Variants in CLASP2 observed in about 807,000 individuals in gnomAD.
CLASP2 encodes CLIP-associating protein 2.
A neutral mutation model predicts 194.4 loss-of-function variants in CLASP2; 47 were observed. That is an observed-to-expected ratio of 0.24 (90% CI 0.19 to 0.31). The LOEUF (loss-of-function observed/expected upper bound fraction) is 0.31. Ranked by LOEUF, CLASP2 falls within the 10% of genes least tolerant of loss-of-function variation. The pLI is 1.00. For missense variants in CLASP2, 1,445 were observed against 1,823.6 expected, an observed-to-expected ratio of 0.79 and a Z score of 3.78; for synonymous variants, 619 against 633.5, an observed-to-expected ratio of 0.98 and a Z score of 0.34.
At chr3:33,691,340 A>C (rs2091327978) in intron 2 of CLASP2, among the ~76,000 whole-genome samples, 1 of 152,246 alleles carries the variant, frequency 6.6e-6, no homozygotes, top group Admixed American at 6.5e-5. Context: ...TTAAATGTGT[A>C]TATAATTTGA....
intron 18 of CLASP2, among the ~76,000 whole-genome samples, chr3:33,599,131 ATTTT>A (rs2071313192): frequency 7.6e-6 from 1 of 132,398 alleles, no homozygotes; most frequent in African/African-American, 3.2e-5. Context: ...TTATTTATTT[ATTTT>A]GGAGAACGTG....
At chr3:33,581,015 C>CAAAAAAAAAAAAAAAAAAAAA (rs34304858) in intron 23 of CLASP2, among the ~76,000 whole-genome samples, 2 of 57,710 alleles carry the variant, frequency 3.5e-5, no homozygotes, top group Non-Finnish European at 3.3e-5. Context: ...GACTCCGTCT[C>CAAAAAAAAAAAAAAAAAAAAA]AAAAAAAAAA....
chr3:33,659,029 T>TAGCA, intron 7 of CLASP2: 1 of 1,535,760 alleles, frequency 6.5e-7, no homozygotes, highest in South Asian at 1.2e-5. Context: ...AGAGGTCAAA[T>TAGCA]AGCACAGCAA....
At position 33,688,355 on chromosome 3, in the gene CLASP2, T is replaced by C; in HGVS notation, c.392A>G (p.Gln131Arg). ...QVAPPMYIWE[Q>R]LASGFKHKNF... ...CTTGTGTTTAAAACCAGAAGCCAAC[T>C]GCTCCCAAATGTACTATTTGAAAGA... The change falls in exon 4 of 39, where the codon CAG becomes CGG. Residue 131 changes from glutamine to arginine, a missense_variant. Coordinates refer to ENST00000682230, the MANE Select transcript of CLASP2 (RefSeq NM_001365631.1). The C allele has an allele frequency of 6.3e-7, 1 of 1,586,364 alleles. No homozygotes were observed. Among genetic ancestry groups the C allele is most frequent in the East Asian group, 2.3e-5 (1 of 43,980 alleles).
Position 33,544,608 on chromosome 3 carries a change from A to C in CLASP2, c.3297+90T>G, listed in dbSNP as rs2154148767. 13 of 1,195,640 alleles carry C rather than the reference A, an allele frequency of 1.1e-5. No individual in the cohort carries two copies. In the South Asian group the frequency reaches 1.2e-4, roughly 11 times the overall value. The allele number at this position is 1,195,640 out of a possible 1,614,324, so 74.1% of individuals were successfully genotyped here. On this transcript the variant is annotated intron_variant, in intron 31 of 38. Coordinates refer to ENST00000682230, the MANE Select transcript of CLASP2 (RefSeq NM_001365631.1). ...ATAAAGATGCAAAAATTATATATTA[A>C]GGATCAAGTTTACTTCGTATAAAAG... is the stretch of plus-strand genomic sequence containing the variant.
intron 7 of CLASP2, among the ~76,000 whole-genome samples, chr3:33,645,929 TACACACACAC>T (rs60196645): frequency 0.15 from 20,500 of 135,108 alleles, 1,468 homozygotes; most frequent in African/African-American, 0.18. Flanking sequence ...TCTCCCAGCA[TACACACACAC>T]ACACACACAC....
intron 8 of CLASP2, among the ~76,000 whole-genome samples, chr3:33,633,200 C>G (rs991416113): frequency 6.6e-6 from 1 of 152,168 alleles, no homozygotes; most frequent in Non-Finnish European, 1.5e-5. Flanking sequence ...CACACAGCAC[C>G]AACTAGCCTC....
chr3:33,574,572 G>A lies in CLASP2; in HGVS notation c.2455-1218C>T. The A allele has an allele frequency of 3.7e-6, 3 of 808,368 alleles. No individual in the cohort carries two copies. In the South Asian group the frequency reaches 5.0e-5, roughly 14 times the overall value. The allele number at this position is 808,368 out of a possible 1,614,324, so 50.1% of individuals were successfully genotyped here. A position where few individuals can be genotyped will look rare whatever the true frequency, so the allele number is the denominator to read the frequency against. On this transcript the variant is annotated intron_variant, in intron 24 of 38. Coordinates refer to ENST00000682230, the MANE Select transcript of CLASP2 (RefSeq NM_001365631.1). ...TTTGCTAATCAGCACAGTGAAATAG[G>A]CATTAACAATGCCTATGATCAGAAA...
In CLASP2 at chr3:33,627,070, C is replaced by A; in HGVS notation, c.953G>T (p.Ser318Ile). The A allele has an allele frequency of 6.5e-7, 1 of 1,534,426 alleles. No homozygotes were observed. The highest frequency in any genetic ancestry group is 8.9e-7 in the Non-Finnish European group (1 of 1,121,516). Residue 318 changes from serine (S) to isoleucine (I), a missense_variant, in exon 10 of 39, where the codon AGT becomes ATT. Transcript: ENST00000682230. Reference protein sequence around the residue: ...TDVPSIQIYSSRELEETLNKI... With the variant: ...TDVPSIQIYSIRELEETLNKI... The stretch of plus-strand genomic sequence containing the variant: ...ATTTAATGTTTCTTCGAGTTCTCGA[C>A]TAGAATAAATCTTAAAAAAAAGATT...
At chr3:33,513,816 T>C (rs908544377) in intron 36 of CLASP2, among the ~76,000 whole-genome samples, 15 of 152,156 alleles carry the variant, frequency 9.9e-5, no homozygotes, top group African/African-American at 3.6e-4. Flanking sequence ...AGATCCTTTG[T>C]CCATTTAAAA....
At chr3:33,695,220 ATTTTTTTTTT>A (rs762657276) in intron 2 of CLASP2, among the ~76,000 whole-genome samples, 1 of 103,840 alleles carries the variant, frequency 9.6e-6, no homozygotes. Context: ...AAGCCTGCTA[ATTTTTTTTTT>A]TTTTTTTTTT....
At chr3:33,585,002 G>C (rs1345546553) in intron 21 of CLASP2, 82 bp from the exon 22 acceptor site, 3 of 1,235,508 alleles carry the variant, frequency 2.4e-6, no homozygotes, top group East Asian at 4.9e-5. Context: ...AAGAAATATT[G>C]ATAATACAGA....
chr3:33,571,361 G>T (rs2154193240), intron 25 of CLASP2, among the ~76,000 whole-genome samples: 1 of 151,352 alleles, frequency 6.6e-6, no homozygotes, highest in East Asian at 2.0e-4. Flanking sequence ...GGGCACGGTG[G>T]TTCATGTCTG....
At position 33,551,284 on chromosome 3, in the gene CLASP2, T is replaced by A. The variant is rs889596999; in HGVS notation, c.3121A>T (p.Thr1041Ser). ...ACATCAGAACTTTTGGGTTCTGTTG[T>A]CCAAGTGATGACCCGAGACACTGCT... ...RLAVSRVITW[T>S]TEPKSSDVRK... is the part of the protein sequence containing the mutation. Residue 1041 changes from threonine (T) to serine (S), a missense_variant, in exon 30 of 39, where the codon ACA becomes TCA. By Grantham distance (58) the Thr-to-Ser change is moderately conservative. Coordinates refer to ENST00000682230, the MANE Select transcript of CLASP2 (RefSeq NM_001365631.1). 1.2e-6 allele frequency: 2 copies of A among 1,613,526 alleles called. No individual in the cohort carries two copies. The highest frequency in any genetic ancestry group is 2.7e-5 in the African/African-American group (2 of 74,890).
At chr3:33,549,072 G>A (rs903139865) in intron 30 of CLASP2, among the ~76,000 whole-genome samples, 1 of 145,146 alleles carries the variant, frequency 6.9e-6, no homozygotes, top group African/African-American at 2.9e-5. Flanking sequence ...GATTACAGGT[G>A]TGTGCCACCA....
chr3:33,606,805 T>C (rs1443521079), intron 15 of CLASP2, 47 bp from the exon 16 acceptor site: 1 of 1,380,594 alleles, frequency 7.2e-7, no homozygotes, highest in Admixed American at 2.0e-5. Context: ...TTTACATAAT[T>C]AGACATTAAC....
At chr3:33,582,007 T>C (rs1007260028) in intron 22 of CLASP2, 79 bp from the exon 23 acceptor site, 20 of 978,606 alleles carry the variant, frequency 2.0e-5, no homozygotes, top group African/African-American at 8.1e-5. Flanking sequence ...TTTGTTTTTT[T>C]CTTTCTTAAA....
At chr3:33,533,501 A>G (rs2056740258) in intron 34 of CLASP2, among the ~76,000 whole-genome samples, 1 of 152,224 alleles carries the variant, frequency 6.6e-6, no homozygotes, top group South Asian at 2.1e-4. Flanking sequence ...AATATCTCTA[A>G]TATTTAATTC....
chr3:33,565,409 G>C (rs1251817505), intron 27 of CLASP2, among the ~76,000 whole-genome samples: 2 of 151,976 alleles, frequency 1.3e-5, no homozygotes, highest in Non-Finnish European at 2.9e-5. Context: ...TCAAACTCCT[G>C]ACCTGAGGCG....
Sources: allele counts gnomAD v4.1 joint callset (sites outside exome capture counted in the v4.1 genomes callset), GRCh38; gene constraint gnomAD v4.1.1; transcripts MANE v1.5; gene names NCBI Gene and HGNC (gene_info 2026-07-23, HGNC 2026-07-21).